Variants in WDR44 observed in about 807,000 individuals in gnomAD.
WDR44 encodes WD repeat domain 44, also known as WD repeat-containing protein 44.
Under a neutral mutation model 65.7 loss-of-function variants are expected in WDR44, and 9 were observed. The ratio of observed to expected loss-of-function variants is 0.14; its 90% CI spans 0.08 to 0.24. The LOEUF (loss-of-function observed/expected upper bound fraction) is 0.24, where lower values mean the gene tolerates loss of function less well. Among genes scored for constraint, WDR44 ranks in the 10% least tolerant of loss-of-function variants. The probability of loss-of-function intolerance (pLI) is 1.00; values close to 1 mark genes in which losing one functional copy is unlikely to be tolerated. For synonymous variants in WDR44, 220 were observed against 235.2 expected, an observed-to-expected ratio of 0.94 and a Z score of 0.59; for missense variants, 425 against 670.9, an observed-to-expected ratio of 0.63 and a Z score of 4.05.
intron 2 of WDR44, chrX:118,386,457 AT>A (rs759040197): frequency 2.9e-6 from 1 of 345,965 alleles, no homozygotes; most frequent in South Asian, 2.9e-5. Flanking sequence ...ATATATATGT[AT>A]TTTTGGTGGG....
chrX:118,358,909 C>T (rs766199506), intron 1 of WDR44, among the ~76,000 whole-genome samples: 2 of 110,814 alleles, frequency 1.8e-5, no homozygotes, highest in Admixed American at 9.6e-5. Context: ...TCCATCTCTA[C>T]TAAAAATACA....
intron 1 of WDR44, among the ~76,000 whole-genome samples, chrX:118,358,529 C>G (rs751270617): frequency 1.8e-5 from 2 of 111,101 alleles, no homozygotes; most frequent in Non-Finnish European, 3.8e-5. Flanking sequence ...GTAGCAAGAC[C>G]TCATCTCTAC....
chrX:118,444,326 T>G, intron 18 of WDR44, 34 bp from the exon 19 acceptor site: 1 of 1,192,108 alleles, frequency 8.4e-7, no homozygotes, highest in Non-Finnish European at 1.1e-6. Context: ...GGTATCCAAT[T>G]TGTCAGTTAT....
intron 1 of WDR44, among the ~76,000 whole-genome samples, chrX:118,352,348 ATATATTTTTTTT>A (rs1314613413): frequency 1.3e-3 from 31 of 23,330 alleles, no homozygotes; most frequent in African/African-American, 0.011. Context: ...ATATATATAT[ATATATTTTTTTT>A]TTTTTTTTTT....
At chrX:118,405,671 C>T (rs1298681524) in intron 9 of WDR44, among the ~76,000 whole-genome samples, 2 of 111,278 alleles carry the variant, frequency 1.8e-5, no homozygotes, top group Non-Finnish European at 1.9e-5. Flanking sequence ...ACAGTCAGTC[C>T]TCCATATCCA....
rs1182119853 is a variant in WDR44, at chrX:118,346,376, C to G, written c.-128C>G. 1.8e-6 allele frequency: 1 copy of G among 560,975 alleles called. No individual in the cohort carries two copies. 46.2% of individuals were successfully genotyped at this position (560,975 alleles called of 1,213,427 possible). ...TAACAGTCTCCTCGCTACAGATCGT[C>G]TGCTCCCTCAGCCTCGCCCGAGACC... On this transcript the variant is annotated 5_prime_UTR_variant, in exon 1 of 20. Coordinates refer to ENST00000254029, the MANE Select transcript of WDR44 (RefSeq NM_019045.5).
In WDR44 at chrX:118,395,144, T is replaced by A. The variant is rs1380031192; in HGVS notation, c.958-105T>A. 5.5e-6 allele frequency: 4 copies of A among 731,045 alleles called. No individual in the cohort carries two copies. In the African/African-American group the frequency reaches 8.7e-5, roughly 16 times the overall value. The allele number at this position is 731,045 out of a possible 1,213,427, so 60.2% of individuals were successfully genotyped here. A position where few individuals can be genotyped will look rare whatever the true frequency, so the allele number is the denominator to read the frequency against. ...TGTTCCATTTAGATTTTCAGCAGAC[T>A]CCATTATCTGAATTATGAAATTCTT... On this transcript the variant is annotated intron_variant, in intron 5 of 19. Coordinates refer to ENST00000254029, the MANE Select transcript of WDR44 (RefSeq NM_019045.5).
At chrX:118,368,929 C>G (rs1351843595) in intron 1 of WDR44, among the ~76,000 whole-genome samples, 1 of 106,931 alleles carries the variant, frequency 9.4e-6, no homozygotes, top group Non-Finnish European at 1.9e-5. Flanking sequence ...GATTTCGCCA[C>G]ATTGGCCAGG....
Position 118,393,007 on chromosome X carries a change from G to C in WDR44, c.562G>C (p.Asp188His). 8.3e-7 allele frequency: 1 copy of C among 1,212,117 alleles called. No individual in the cohort carries two copies. Among genetic ancestry groups the C allele is most frequent in the Non-Finnish European group, 1.1e-6 (1 of 895,614 alleles). Reference protein sequence around the residue: ...KEAVEVKGGGDVLEPVSSDSL... With the variant: ...KEAVEVKGGGHVLEPVSSDSL... ...AGCAGTGGAAGTCAAAGGAGGTGGT[G>C]ATGTTTTAGAGCCTGTGTCCTCAGA... The change falls in exon 4 of 20, where the codon GAT becomes CAT. Residue 188 changes from aspartate to histidine, a missense_variant. By Grantham distance (81) the Asp-to-His change is moderately conservative. Coordinates refer to ENST00000254029, the MANE Select transcript of WDR44 (RefSeq NM_019045.5).
At chrX:118,442,179 T>G (rs1292098548) in intron 15 of WDR44, 65 bp from the exon 16 acceptor site, 23 of 986,627 alleles carry the variant, frequency 2.3e-5, no homozygotes, top group Non-Finnish European at 3.3e-5. Context: ...GTAGCTAGAG[T>G]TACAGATACG....
intron 1 of WDR44, among the ~76,000 whole-genome samples, chrX:118,347,428 G>A (rs1164318131): frequency 8.9e-6 from 1 of 112,234 alleles, no homozygotes; most frequent in African/African-American, 3.2e-5. Flanking sequence ...ACTAGGACTT[G>A]TATTTACTTA....
At chrX:118,416,754 CT>C (rs2057060858) in intron 12 of WDR44, among the ~76,000 whole-genome samples, 1 of 111,580 alleles carries the variant, frequency 9.0e-6, no homozygotes, top group Non-Finnish European at 1.9e-5. Flanking sequence ...GACTTTCTGC[CT>C]TGATGACCTG....
At chrX:118,373,713 G>C (rs1846638805) in intron 1 of WDR44, among the ~76,000 whole-genome samples, 1 of 111,186 alleles carries the variant, frequency 9.0e-6, no homozygotes, top group African/African-American at 3.3e-5. Context: ...ATGGGCTCTG[G>C]AGTCAGGCTG....
chrX:118,398,297 C>A, intron 7 of WDR44, 90 bp from the exon 8 acceptor site: 1 of 641,836 alleles, frequency 1.6e-6, no homozygotes, highest in Non-Finnish European at 2.4e-6. Flanking sequence ...TTTTCTTATT[C>A]TGATTAACTG....
intron 5 of WDR44, 122 bp downstream of exon 5, chrX:118,394,307 C>A (rs191979141): frequency 1.0e-6 from 1 of 978,086 alleles, no homozygotes; most frequent in African/African-American, 2.0e-5. Context: ...ACCTGACCCC[C>A]TTACTTCTCT....
chrX:118,428,283 A>C lies in WDR44; in HGVS notation c.1738-4498A>C, dbSNP rs756375747. Among the ~76,000 whole-genome samples the C allele has an allele frequency of 2.7e-3, 295 of 108,939 alleles. 2 individuals carry two copies. The highest frequency in any genetic ancestry group is 9.5e-3 in the African/African-American group (284 of 30,024). 94.6% of individuals were successfully genotyped at this position (108,939 alleles called of 115,157 possible). ...AGCCTGAGTGACAGAGCAAGACTCC[A>C]TCTCAAAAAATAGTAATAATAATAA... On this transcript the variant is annotated intron_variant, in intron 12 of 19. Coordinates refer to ENST00000254029, the MANE Select transcript of WDR44 (RefSeq NM_019045.5).
At chrX:118,445,553 A>G (rs1372968763) in intron 19 of WDR44, among the ~76,000 whole-genome samples, 1 of 112,221 alleles carries the variant, frequency 8.9e-6, no homozygotes, top group Non-Finnish European at 1.9e-5. Flanking sequence ...AAGCAGGGCT[A>G]ATTTTTCTAC....
chrX:118,353,516 CAG>C (rs2056432604), intron 1 of WDR44, among the ~76,000 whole-genome samples: 1 of 112,263 alleles, frequency 8.9e-6, no homozygotes, highest in African/African-American at 3.2e-5. Flanking sequence ...GGCATTCCAT[CAG>C]AGTCAGTTGT....
chrX:118,436,458 A>G (rs1602971985), intron 13 of WDR44: 2 of 417,330 alleles, frequency 4.8e-6, no homozygotes, highest in East Asian at 1.0e-4. Flanking sequence ...AGACATTGAT[A>G]AGATTCATCT....
Sources: allele counts gnomAD v4.1 joint callset (sites outside exome capture counted in the v4.1 genomes callset), GRCh38; gene constraint gnomAD v4.1.1; transcripts MANE v1.5; gene names NCBI Gene and HGNC (gene_info 2026-07-23, HGNC 2026-07-21).